IL1RAPL1: variants seen among roughly 807,000 people sequenced by gnomAD.
The protein encoded by IL1RAPL1 is interleukin 1 receptor accessory protein like 1, also known as interleukin-1 receptor accessory protein-like 1.
In IL1RAPL1, 3 loss-of-function variants were observed where a neutral mutation model predicts 48.4. The observed-to-expected ratio is 0.06, with a 90% CI of 0.03 to 0.16. The LOEUF is 0.16. IL1RAPL1 is among the 10% of genes least tolerant of loss of function. The pLI is 1.00. For synonymous variants in IL1RAPL1, 185 were observed against 187.7 expected (o/e 0.99, Z 0.12); for missense variants, 349 against 530.6 (o/e 0.66, Z 3.36).
intron 3 of IL1RAPL1, among the ~76,000 whole-genome samples, chrX:29,351,067 G>T (rs1011188352): frequency 6.3e-5 from 7 of 111,221 alleles, no homozygotes; most frequent in African/African-American, 2.3e-4. Context: ...TTTCTCTCTT[G>T]CTAAGACATT....
intron 6 of IL1RAPL1, among the ~76,000 whole-genome samples, chrX:29,834,184 C>T (rs771424455): frequency 8.9e-6 from 1 of 112,557 alleles, no homozygotes; most frequent in African/African-American, 3.2e-5. Context: ...TGTCATTTGA[C>T]TGCTAAGAGA....
chrX:28,700,903 A>G (rs1212440500), intron 1 of IL1RAPL1, among the ~76,000 whole-genome samples: 1 of 111,760 alleles, frequency 8.9e-6, no homozygotes, highest in Admixed American at 9.5e-5. Flanking sequence ...TTATGGCTAC[A>G]TAGTTTTCCA....
chrX:29,515,650 T>C (rs769362065), intron 5 of IL1RAPL1, among the ~76,000 whole-genome samples: 3 of 112,050 alleles, frequency 2.7e-5, no homozygotes, highest in Non-Finnish European at 5.6e-5. Context: ...CCTGATGAAG[T>C]ATATCTGGAT....
At chrX:29,676,622 GA>G (rs749720816) in intron 6 of IL1RAPL1, among the ~76,000 whole-genome samples, 6 of 111,070 alleles carry the variant, frequency 5.4e-5, no homozygotes, top group Non-Finnish European at 1.1e-4. Context: ...CTTATTTAAA[GA>G]AAATGATAAT....
At chrX:29,059,095 G>A (rs983962675) in intron 2 of IL1RAPL1, among the ~76,000 whole-genome samples, 6 of 112,036 alleles carry the variant, frequency 5.4e-5, no homozygotes, top group East Asian at 2.8e-4. Flanking sequence ...CGTGCAACTC[G>A]GTGGTGGAAG....
At chrX:29,474,862 A>G in intron 5 of IL1RAPL1, among the ~76,000 whole-genome samples, 1 of 111,630 alleles carries the variant, frequency 9.0e-6, no homozygotes, top group Non-Finnish European at 1.9e-5. Flanking sequence ...TCCAAACCAT[A>G]TCGGGTAGTA....
At chrX:29,177,157 G>A (rs1331505488) in intron 2 of IL1RAPL1, among the ~76,000 whole-genome samples, 1 of 111,387 alleles carries the variant, frequency 9.0e-6, no homozygotes, top group Non-Finnish European at 1.9e-5. Context: ...ACAAATAAGG[G>A]AGAAGCAGTT....
intron 2 of IL1RAPL1, among the ~76,000 whole-genome samples, chrX:28,866,703 A>C (rs1406590108): frequency 9.0e-6 from 1 of 111,523 alleles, no homozygotes; most frequent in Non-Finnish European, 1.9e-5. Context: ...GCTGTATTTT[A>C]TTACCACCTC....
At chrX:29,951,352 G>A (rs1933317619) in intron 9 of IL1RAPL1, among the ~76,000 whole-genome samples, 1 of 111,941 alleles carries the variant, frequency 8.9e-6, no homozygotes, top group Non-Finnish European at 1.9e-5. Context: ...CCAACTGAGG[G>A]AAATCAGGCT....
chrX:29,406,257 T>TGGC (rs1569304428), intron 5 of IL1RAPL1, among the ~76,000 whole-genome samples: 1 of 109,729 alleles, frequency 9.1e-6, no homozygotes, highest in Non-Finnish European at 1.9e-5. Context: ...GGCGTGGTGG[T>TGGC]GGGCGCCTGT....
intron 5 of IL1RAPL1, among the ~76,000 whole-genome samples, chrX:29,647,366 AT>A (rs1377555041): frequency 2.2e-4 from 24 of 107,786 alleles, no homozygotes; most frequent in African/African-American, 3.8e-4. Context: ...AAAAAAAAAA[AT>A]ACTCTAATAC....
chrX:29,817,087 A>G (rs1346281219), intron 6 of IL1RAPL1, among the ~76,000 whole-genome samples: 2 of 111,252 alleles, frequency 1.8e-5, no homozygotes, highest in African/African-American at 6.5e-5. Context: ...TTAAAACTCT[A>G]ATCAGACATT....
chrX:29,556,934 A>C (rs1408443691), intron 5 of IL1RAPL1, among the ~76,000 whole-genome samples: 1 of 111,634 alleles, frequency 9.0e-6, no homozygotes, highest in Non-Finnish European at 1.9e-5. Context: ...TGATTCATTT[A>C]GTCTGGAGAA....
chrX:29,028,981 C>A (rs774588832), intron 2 of IL1RAPL1, among the ~76,000 whole-genome samples: 1 of 111,375 alleles, frequency 9.0e-6, no homozygotes. Flanking sequence ...TTGATTGACT[C>A]ACAGTTCCAC....
intron 2 of IL1RAPL1, among the ~76,000 whole-genome samples, chrX:29,273,724 G>A (rs1448506073): frequency 1.8e-5 from 2 of 110,954 alleles, no homozygotes; most frequent in Admixed American, 1.9e-4. Context: ...GCAGTGGTGG[G>A]AGTAGGGCAC....
intron 1 of IL1RAPL1, among the ~76,000 whole-genome samples, chrX:28,680,213 T>C (rs1935043806): frequency 8.9e-6 from 1 of 111,924 alleles, no homozygotes. Flanking sequence ...TTTATTCTTT[T>C]TATTGCTAGT....
At chrX:29,697,742 A>G (rs913921111) in intron 6 of IL1RAPL1, among the ~76,000 whole-genome samples, 2 of 111,948 alleles carry the variant, frequency 1.8e-5, no homozygotes, top group African/African-American at 6.5e-5. Context: ...TCTATTGACA[A>G]TACATCCAAA....
chrX:29,711,078 A>ACACACACACACG, intron 6 of IL1RAPL1, among the ~76,000 whole-genome samples: 1 of 102,520 alleles, frequency 9.8e-6, no homozygotes, highest in Admixed American at 1.1e-4. Flanking sequence ...ATACACACAC[A>ACACACACACACG]CACACACACA....
intron 2 of IL1RAPL1, among the ~76,000 whole-genome samples, chrX:28,950,416 G>A (rs1351404026): frequency 1.1e-4 from 9 of 85,287 alleles, no homozygotes; most frequent in Admixed American, 6.9e-4. Flanking sequence ...TTGACTTGGC[G>A]ATGCGGGCTC....
Sources: gnomAD v4.1 joint callset for allele counts (sites outside exome capture counted in the v4.1 genomes callset) on GRCh38, gnomAD v4.1.1 for gene constraint, MANE v1.5 for transcripts, NCBI Gene and HGNC (gene_info 2026-07-23, HGNC 2026-07-21) for gene names.